The following TUBD1 variants were observed in gnomAD, a reference collection of about 807,000 sequenced individuals.
TUBD1 encodes the protein tubulin delta chain.
In TUBD1, 38 loss-of-function variants were observed where a neutral mutation model predicts 51.2. The observed-to-expected ratio is 0.74, with a 90% CI of 0.57 to 0.97. TUBD1 has a LOEUF of 0.97. TUBD1 is among the 50% of genes least tolerant of loss of function. The pLI is 0.00. For missense variants in TUBD1, 489 were observed against 538.4 expected (o/e 0.91, Z 0.91); for synonymous variants, 169 against 178.2 (o/e 0.95, Z 0.41).
At chr17:59,882,356 T>TAG (rs1308994681) in intron 3 of TUBD1, among the ~76,000 whole-genome samples, 3 of 152,028 alleles carry the variant, frequency 2.0e-5, no homozygotes, top group Admixed American at 2.0e-4. Flanking sequence ...CCATTTCAGC[T>TAG]CACTAAAACT....
chr17:59,890,260 T>C (rs2040936752), intron 2 of TUBD1, among the ~76,000 whole-genome samples: 1 of 152,142 alleles, frequency 6.6e-6, no homozygotes, highest in African/African-American at 2.4e-5. Context: ...TTTATTTTTT[T>C]TGGAGATGGA....
intron 2 of TUBD1, among the ~76,000 whole-genome samples, chr17:59,889,668 CAAAAAAAAAA>C (rs1195587619): frequency 1.1e-4 from 6 of 54,190 alleles, no homozygotes; most frequent in African/African-American, 4.4e-4. Context: ...GACTCTGTCT[CAAAAAAAAAA>C]AAAAAAAAAG....
rs189500166 is a variant in TUBD1 at position 59,880,821 on chromosome 17, G to A, written c.537+73C>T. 9.4e-5 allele frequency: 135 copies of A among 1,435,264 alleles called. No homozygotes were observed. In the African/African-American group the frequency reaches 1.7e-3, roughly 18 times the overall value. 88.9% of individuals were successfully genotyped at this position (1,435,264 alleles called of 1,614,324 possible). A position where few individuals can be genotyped will look rare whatever the true frequency, so the allele number is the denominator to read the frequency against. On this transcript the variant is annotated intron_variant, in intron 4 of 8. Transcript: ENST00000325752. ...AAGCCACCGCACCTGGGTGGTGAGAGCAATCTTTTACCCATATTTATTTCT... is the reference window on the plus strand; with the variant it reads ...AAGCCACCGCACCTGGGTGGTGAGAACAATCTTTTACCCATATTTATTTCT...
chr17:59,877,032 G>GT (rs1340733733), intron 5 of TUBD1, among the ~76,000 whole-genome samples: 1 of 151,796 alleles, frequency 6.6e-6, no homozygotes, highest in African/African-American at 2.4e-5. Flanking sequence ...GCTAATTTTT[G>GT]TATTTTCTGT....
At chr17:59,879,504 A>G (rs2040387298) in intron 4 of TUBD1, among the ~76,000 whole-genome samples, 1 of 151,770 alleles carries the variant, frequency 6.6e-6, no homozygotes, top group Admixed American at 6.6e-5. Context: ...GACATGATCT[A>G]GGCTCAATGC....
chr17:59,889,877 G>A (rs2040914659), intron 2 of TUBD1, among the ~76,000 whole-genome samples: 1 of 150,762 alleles, frequency 6.6e-6, no homozygotes. Flanking sequence ...GGCTGAGGCA[G>A]GAGAATTGCT....
intron 2 of TUBD1, among the ~76,000 whole-genome samples, chr17:59,889,358 G>C (rs1364042548): frequency 6.6e-6 from 1 of 150,878 alleles, no homozygotes; most frequent in Non-Finnish European, 1.5e-5. Context: ...CAGTAGAGGA[G>C]TAAAGTGAAT....
intron 4 of TUBD1, among the ~76,000 whole-genome samples, chr17:59,879,424 A>C (rs960703430): frequency 5.9e-5 from 9 of 152,164 alleles, no homozygotes; most frequent in East Asian, 3.9e-4. Context: ...TTCCTGAAAG[A>C]AGCACAATCA....
intron 4 of TUBD1, among the ~76,000 whole-genome samples, chr17:59,879,268 CAAAAAAAA>C (rs373101335): frequency 0.15 from 19,345 of 128,476 alleles, 1,548 homozygotes; most frequent in Middle Eastern, 0.26. Context: ...AACTCTGTCT[CAAAAAAAA>C]AAAAAAAAAG....
chr17:59,869,202 A>G (rs2039863901), intron 6 of TUBD1, among the ~76,000 whole-genome samples: 3 of 151,824 alleles, frequency 2.0e-5, no homozygotes, highest in Admixed American at 2.0e-4. Context: ...CCGGCCGGGC[A>G]TGGTGGCTTC....
At chr17:59,882,123 G>A (rs1215084289) in intron 3 of TUBD1, among the ~76,000 whole-genome samples, 1 of 151,096 alleles carries the variant, frequency 6.6e-6, no homozygotes, top group African/African-American at 2.4e-5. Flanking sequence ...TGCTGCCCAG[G>A]CTGGTTGTGA....
chr17:59,881,489 T>C (rs752762268), intron 3 of TUBD1, among the ~76,000 whole-genome samples: 29 of 152,198 alleles, frequency 1.9e-4, no homozygotes, highest in Admixed American at 5.2e-4. Context: ...AAAGTTCTCT[T>C]TATTTTTGAG....
chr17:59,869,512 GA>G (rs1424847621), intron 6 of TUBD1, among the ~76,000 whole-genome samples: 12 of 151,540 alleles, frequency 7.9e-5, no homozygotes, highest in African/African-American at 2.9e-4. Flanking sequence ...AAAAAATGTT[GA>G]CACCCTAAAA....
chr17:59,864,745 A>G (rs1337224908), intron 7 of TUBD1, among the ~76,000 whole-genome samples: 7 of 151,874 alleles, frequency 4.6e-5, no homozygotes, highest in Admixed American at 2.0e-4. Flanking sequence ...CAATCGTCCC[A>G]CCTCTGCCAA....
At chr17:59,864,073 C>A (rs2039587411) in intron 7 of TUBD1, among the ~76,000 whole-genome samples, 1 of 151,770 alleles carries the variant, frequency 6.6e-6, no homozygotes, top group African/African-American at 2.4e-5. Context: ...AAAACCCCAT[C>A]TCTACTAAAA....
At chr17:59,880,660 G>A (rs545932211) in intron 4 of TUBD1, among the ~76,000 whole-genome samples, 1 of 151,504 alleles carries the variant, frequency 6.6e-6, no homozygotes, top group South Asian at 2.1e-4. Flanking sequence ...GACTAGAGGC[G>A]CCCGCCACCA....
At chr17:59,870,243 T>A (rs191729465) in intron 6 of TUBD1, among the ~76,000 whole-genome samples, 1 of 151,496 alleles carries the variant, frequency 6.6e-6, no homozygotes, top group African/African-American at 2.4e-5. Context: ...CATTCATACA[T>A]TGGTAATCCC....
chr17:59,879,438 T>C (rs2040382774), intron 4 of TUBD1, among the ~76,000 whole-genome samples: 1 of 152,112 alleles, frequency 6.6e-6, no homozygotes, highest in Non-Finnish European at 1.5e-5. Context: ...ACAATCATCT[T>C]CTCTGACTTT....
At chr17:59,862,420 C>CTA (rs2039495125) in intron 8 of TUBD1, among the ~76,000 whole-genome samples, 1 of 151,990 alleles carries the variant, frequency 6.6e-6, no homozygotes, top group Admixed American at 6.6e-5. Context: ...AAGAAATCTG[C>CTA]TAAAACATGT....
Sources: allele counts gnomAD v4.1 joint callset (sites outside exome capture counted in the v4.1 genomes callset), GRCh38; gene constraint gnomAD v4.1.1; transcripts MANE v1.5; gene names NCBI Gene and HGNC (gene_info 2026-07-23, HGNC 2026-07-21).